The following CELSR1 variants were observed in gnomAD, a reference collection of about 807,000 sequenced individuals.
CELSR1 encodes adhesion G protein-coupled receptor C1.
A neutral mutation model predicts 249.1 loss-of-function variants in CELSR1; 110 were observed. The observed-to-expected ratio is 0.44, with a 90% CI of 0.38 to 0.52. The LOEUF (loss-of-function observed/expected upper bound fraction) is 0.52. Among genes scored for constraint, CELSR1 ranks in the 20% least tolerant of loss-of-function variants. The pLI is 0.00. For missense variants in CELSR1, 4,109 were observed against 4,296.4 expected (o/e 0.96, Z 1.22); for synonymous variants, 2,113 against 1,900.0 (o/e 1.11, Z -2.92).
At chr22:46,371,589 C>G (rs2078851903) in intron 25 of CELSR1, among the ~76,000 whole-genome samples, 1 of 151,922 alleles carries the variant, frequency 6.6e-6, no homozygotes, top group Non-Finnish European at 1.5e-5. Context: ...TCCATTTACT[C>G]ATTTCATTGT....
chr22:46,366,893 C>A lies in CELSR1; in HGVS notation c.8205+100G>T. 4 of 1,452,208 alleles carry A rather than the reference C, an allele frequency of 2.8e-6. No homozygotes were observed. The South Asian group carries it at 5.4e-5, about 20-fold the overall frequency. 90.0% of individuals were successfully genotyped at this position (1,452,208 alleles called of 1,614,324 possible). A position where few individuals can be genotyped will look rare whatever the true frequency, so the allele number is the denominator to read the frequency against. On this transcript the variant is annotated intron_variant, in intron 29 of 34. Coordinates refer to ENST00000674500, the MANE Select transcript of CELSR1 (RefSeq NM_001378328.1). ...GCTCTGCCATCCCCACCGTGAGGGG[C>A]ATACGGGCCGCAGGACTGGGGCTGA...
In CELSR1 at chr22:46,410,107, C is replaced by T. The variant is rs1307073052; in HGVS notation, c.4934-227G>A. The stretch of plus-strand genomic sequence containing the variant: ...ACGCCAGGCCATCACGGCAGCCGGC[C>T]CGGTCACCTGGTGACACATATGCAA... On this transcript the variant is annotated intron_variant, in intron 7 of 34. Coordinates refer to ENST00000674500, the MANE Select transcript of CELSR1 (RefSeq NM_001378328.1). This position sits in a 1 kb window ranked among gnomAD's most constrained non-coding sequence, Gnocchi z 6.8. Among the ~76,000 whole-genome samples the T allele has an allele frequency of 6.6e-6, 1 of 152,226 alleles. No homozygotes were observed. Among genetic ancestry groups the T allele is most frequent in the Admixed American group, 6.5e-5 (1 of 15,290 alleles).
chr22:46,475,104 C>A (rs1334962595), intron 1 of CELSR1, among the ~76,000 whole-genome samples: 1 of 152,154 alleles, frequency 6.6e-6, no homozygotes, highest in African/African-American at 2.4e-5. Context: ...ACTTAACATC[C>A]TTCCTCGTCT....
At chr22:46,438,727 A>G (rs2079697840) in intron 3 of CELSR1, among the ~76,000 whole-genome samples, 1 of 152,174 alleles carries the variant, frequency 6.6e-6, no homozygotes, top group Non-Finnish European at 1.5e-5. Context: ...GAAGTGGGTT[A>G]AGGGGTACAA....
At position 46,391,966 on chromosome 22, in the gene CELSR1, A is replaced by C; in HGVS notation, c.5965-150T>G. ...CCCCTCATGGCTACCCTCTGCCCAC[A>C]TCCCACACCCAACGGGGGCTGCCTC... On this transcript the variant is annotated intron_variant, in intron 14 of 34. Coordinates refer to ENST00000674500, the MANE Select transcript of CELSR1 (RefSeq NM_001378328.1). The surrounding 1 kb of genome is among the most constrained non-coding windows in gnomAD (Gnocchi z 4.3). 1.2e-6 allele frequency: 1 copy of C among 822,230 alleles called. No homozygotes were observed. Among genetic ancestry groups the C allele is most frequent in the Non-Finnish European group, 1.8e-6 (1 of 549,278 alleles). The allele number at this position is 822,230 out of a possible 1,614,324, so 50.9% of individuals were successfully genotyped here. A position where few individuals can be genotyped will look rare whatever the true frequency, so the allele number is the denominator to read the frequency against.
chr22:46,434,574 A>C lies in CELSR1; in HGVS notation c.4523-1093T>G, dbSNP rs2079636048. 6.6e-6 allele frequency among the ~76,000 whole-genome samples: 1 copy of C among 152,190 alleles called. No homozygotes were observed. Among genetic ancestry groups the C allele is most frequent in the South Asian group, 2.1e-4 (1 of 4,822 alleles). On this transcript the variant is annotated intron_variant, in intron 4 of 34. Coordinates refer to ENST00000674500, the MANE Select transcript of CELSR1 (RefSeq NM_001378328.1). The surrounding 1 kb of genome is among the most constrained non-coding windows in gnomAD (Gnocchi z 4.9). ...CTTTCTTTATTGAGTATAGAAAACA[A>C]AGCTCCATCCTCCACCATCACACAC...
chr22:46,532,096 G>T (rs2080797810), intron 1 of CELSR1, among the ~76,000 whole-genome samples: 2 of 152,124 alleles, frequency 1.3e-5, no homozygotes, highest in African/African-American at 4.8e-5. Flanking sequence ...AACAGCGGGG[G>T]GGCCCACATT....
chr22:46,385,676 T>A (rs2079024364), intron 19 of CELSR1, among the ~76,000 whole-genome samples: 1 of 81,626 alleles, frequency 1.2e-5, no homozygotes, highest in Non-Finnish European at 2.2e-5. Flanking sequence ...TGCCGAATAT[T>A]TTTTTTTTTT....
Position 46,433,452 on chromosome 22 carries a change from C to T in CELSR1, c.4552G>A (p.Val1518Ile), listed in dbSNP as rs61737817. The T allele has an allele frequency of 6.2e-7, 1 of 1,613,926 alleles. No individual in the cohort carries two copies. The highest frequency in any genetic ancestry group is 1.3e-5 in the African/African-American group (1 of 74,926). Reference protein sequence around the residue: ...GETTTTVAPKVPSGVSDGRWH... With the variant: ...GETTTTVAPKIPSGVSDGRWH... ...CGCCCGTCACTCACACCACTGGGAA[C>T]CTTCGGTGCCACGGTCGTTGTTGTC... Residue 1518 changes from valine (V) to isoleucine (I), a missense_variant, in exon 5 of 35, where the codon GTT becomes ATT. This residue lies in a region of CELSR1 where 453 missense variants were observed against 492.0 expected (regional missense o/e 0.92). Coordinates refer to ENST00000674500, the MANE Select transcript of CELSR1 (RefSeq NM_001378328.1). The surrounding 1 kb of genome is among the most constrained non-coding windows in gnomAD (Gnocchi z 5.7).
rs139214865 is a variant in CELSR1 at position 46,533,741 on chromosome 22, G to C, written c.3430C>G (p.Gln1144Glu). 19 of 1,613,214 alleles carry C rather than the reference G, an allele frequency of 1.2e-5. No individual in the cohort carries two copies. Among genetic ancestry groups the C allele is most frequent in the East Asian group, 1.1e-4 (5 of 44,900 alleles). The stretch of plus-strand genomic sequence containing the variant: ...AGCAACAGGCGCAGCTCGTTGCCCT[G>C]CACGAAGGTGTAGTTGAGGCTGTCT... ...VSDSLNYTFVQGNELRLLLLD... is the reference protein window; with the variant it reads ...VSDSLNYTFVEGNELRLLLLD... The change falls in exon 1 of 35, where the codon CAG becomes GAG. Residue 1144 changes from glutamine to glutamate, a missense_variant. By Grantham distance (29) the Gln-to-Glu change is conservative (BLOSUM62 2). Around this residue, in one of 7 missense-constraint regions of CELSR1, gnomAD observed 886 missense variants for 896.5 expected, o/e 0.99. Transcript: ENST00000674500.
rs1206115139 is a variant in CELSR1, at chr22:46,430,663, T to G, written c.4611+2730A>C. ...GGCTGCTGGAGGACAGGACCAGAGG[T>G]GACATTGGAGACAAAGTGGAGGCCC... On this transcript the variant is annotated intron_variant, in intron 5 of 34. Coordinates refer to ENST00000674500, the MANE Select transcript of CELSR1 (RefSeq NM_001378328.1). The surrounding 1 kb of genome is among the most constrained non-coding windows in gnomAD (Gnocchi z 4.6). Among the ~76,000 whole-genome samples the G allele has an allele frequency of 6.6e-6, 1 of 151,866 alleles. No individual in the cohort carries two copies. Among genetic ancestry groups the G allele is most frequent in the Non-Finnish European group, 1.5e-5 (1 of 67,984 alleles).
chr22:46,408,821 C>T lies in CELSR1; in HGVS notation c.5226+175G>A, dbSNP rs1013056328. Among the ~76,000 whole-genome samples the T allele has an allele frequency of 6.6e-5, 10 of 152,234 alleles. No individual in the cohort carries two copies. Among genetic ancestry groups the T allele is most frequent in the African/African-American group, 2.4e-4 (10 of 41,466 alleles). The stretch of plus-strand genomic sequence containing the variant: ...ATGCTCCCTCGCTGTCTCCGCCTCC[C>T]AGAGGAAAGAAAGGGCTGATATTCC... On this transcript the variant is annotated intron_variant, in intron 9 of 34. Transcript: ENST00000674500. This position sits in a 1 kb window ranked among gnomAD's most constrained non-coding sequence, Gnocchi z 4.6.
Position 46,536,352 on chromosome 22 carries a change from G to T in CELSR1, c.819C>A (p.Ile273=), listed in dbSNP as rs1198375918. The part of the protein sequence containing the change: ...LILQLHAHYT[I]EGEEERVSYY... Reference sequence around the variant, plus strand: ...AGCTCACGCGCTCCTCCTCGCCCTCGATGGTGTAGTGCGCGTGCAGCTGGA... The same window carrying T: ...AGCTCACGCGCTCCTCCTCGCCCTCTATGGTGTAGTGCGCGTGCAGCTGGA... The change falls in exon 1 of 35, where the codon ATC becomes ATA. Residue 273 remains isoleucine (I), a synonymous_variant. Coordinates refer to ENST00000674500, the MANE Select transcript of CELSR1 (RefSeq NM_001378328.1). 1 of 1,612,530 alleles carries T rather than the reference G, an allele frequency of 6.2e-7. No homozygotes were observed. The highest frequency in any genetic ancestry group is 1.3e-5 in the African/African-American group (1 of 74,946).
chr22:46,445,231 G>C lies in CELSR1; in HGVS notation c.4184-5820C>G, dbSNP rs2079804898. Among the ~76,000 whole-genome samples the C allele has an allele frequency of 6.7e-6, 1 of 149,810 alleles. No homozygotes were observed. The highest frequency in any genetic ancestry group is 1.5e-5 in the Non-Finnish European group (1 of 67,378). On this transcript the variant is annotated intron_variant, in intron 2 of 34. Coordinates refer to ENST00000674500, the MANE Select transcript of CELSR1 (RefSeq NM_001378328.1). This position sits in a 1 kb window ranked among gnomAD's most constrained non-coding sequence, Gnocchi z 4.4. ...AAATAAGGCTGGGTGTAGTGGCTCAGGCCTGTCATCCCAGCACTTTGGGAG... is the reference window on the plus strand; with the variant it reads ...AAATAAGGCTGGGTGTAGTGGCTCACGCCTGTCATCCCAGCACTTTGGGAG...
intron 5 of CELSR1, among the ~76,000 whole-genome samples, chr22:46,419,836 C>T (rs2079445352): frequency 6.6e-6 from 1 of 151,798 alleles, no homozygotes; most frequent in Non-Finnish European, 1.5e-5. Context: ...CATTTACCCA[C>T]GCTCACGTGC....
At chr22:46,457,173 T>C (rs1171456584) in intron 2 of CELSR1, among the ~76,000 whole-genome samples, 2 of 152,144 alleles carry the variant, frequency 1.3e-5, no homozygotes, top group Non-Finnish European at 2.9e-5. Context: ...GGTAAAACCC[T>C]GTCTCTACTA....
At chr22:46,438,768 G>GT (rs930644496) in intron 3 of CELSR1, among the ~76,000 whole-genome samples, 20 of 151,770 alleles carry the variant, frequency 1.3e-4, no homozygotes, top group Non-Finnish European at 2.1e-4. Flanking sequence ...AGCTTTTGTG[G>GT]TTTTTTTTGA....
rs1284279389 is a variant in CELSR1 at position 46,396,170 on chromosome 22, G to A, written c.5843+435C>T. Reference sequence around the variant, plus strand: ...ACCCGTAATCCCAGCACTTTGGGAGGCTGAGGCAGGTGGATCACTTGAGGT... The same window carrying A: ...ACCCGTAATCCCAGCACTTTGGGAGACTGAGGCAGGTGGATCACTTGAGGT... On this transcript the variant is annotated intron_variant, in intron 13 of 34. Transcript: ENST00000674500. This position sits in a 1 kb window ranked among gnomAD's most constrained non-coding sequence, Gnocchi z 6.4. Among the ~76,000 whole-genome samples the A allele has an allele frequency of 1.3e-5, 2 of 152,152 alleles. No homozygotes were observed. The highest frequency in any genetic ancestry group is 2.9e-5 in the Non-Finnish European group (2 of 68,032).
rs1035649234 is a variant in CELSR1, at chr22:46,412,093, A to G, written c.4612-334T>C. On this transcript the variant is annotated intron_variant, in intron 5 of 34. Transcript: ENST00000674500. The surrounding 1 kb of genome is among the most constrained non-coding windows in gnomAD (Gnocchi z 4.5). ...TTAAGAGGACAGATGCTGAGATGCA[A>G]AGGCACACAGGGAGAAGCTGCGTGA... Among the ~76,000 whole-genome samples, 4 of 152,168 alleles carry G rather than the reference A, an allele frequency of 2.6e-5. No individual in the cohort carries two copies. The highest frequency in any genetic ancestry group is 9.7e-5 in the African/African-American group (4 of 41,440).
Sources: allele counts gnomAD v4.1 joint callset (sites outside exome capture counted in the v4.1 genomes callset), GRCh38; gene constraint gnomAD v4.1.1; regional missense constraint gnomAD v4.1.1; non-coding constraint Gnocchi (gnomAD v3.1); transcripts MANE v1.5; gene names NCBI Gene and HGNC (gene_info 2026-07-23, HGNC 2026-07-21).